NEK11: variants seen among roughly 807,000 people sequenced by gnomAD.
NEK11 encodes serine/threonine-protein kinase Nek11.
A neutral mutation model predicts 80.7 loss-of-function variants in NEK11; 72 were observed. That is an observed-to-expected ratio of 0.89 (90% confidence interval 0.74 to 1.08). NEK11 has a LOEUF of 1.08. Ranked by LOEUF, NEK11 falls within the 50% of genes least tolerant of loss-of-function variation. NEK11 has a pLI of 0.00. For missense variants in NEK11, 764 were observed against 763.6 expected, an observed-to-expected ratio of 1.00 and a Z score of -0.01; for synonymous variants, 251 against 260.7, an observed-to-expected ratio of 0.96 and a Z score of 0.36.
intron 7 of NEK11, among the ~76,000 whole-genome samples, chr3:131,136,817 G>A (rs1200672920): frequency 6.6e-6 from 1 of 152,130 alleles, no homozygotes; most frequent in Non-Finnish European, 1.5e-5. Context: ...ATACCCACAG[G>A]AGAAATACAA....
chr3:131,255,091 A>G (rs866499690), intron 16 of NEK11, among the ~76,000 whole-genome samples: 3,691 of 129,028 alleles, frequency 0.029, 72 homozygotes, highest in African/African-American at 0.051. Context: ...AAAGAAAGAA[A>G]GAAAGAAAGA....
intron 16 of NEK11, among the ~76,000 whole-genome samples, chr3:131,262,092 G>A (rs1380675686): frequency 6.6e-6 from 1 of 151,336 alleles, no homozygotes; most frequent in African/African-American, 2.4e-5. Flanking sequence ...AATGAAAGAG[G>A]GGACATTACT....
At chr3:131,119,445 C>T (rs896359132) in intron 5 of NEK11, among the ~76,000 whole-genome samples, 19 of 151,996 alleles carry the variant, frequency 1.3e-4, no homozygotes, top group African/African-American at 3.4e-4. Context: ...ATGTATATTC[C>T]GTTGATTTGG....
At chr3:131,349,451 A>T in intron 17 of NEK11, 106 bp from the exon 18 acceptor site, 2 of 958,062 alleles carry the variant, frequency 2.1e-6, no homozygotes, top group Admixed American at 5.3e-5. Context: ...TTTTTTTCTA[A>T]ATCCCAGAAT....
chr3:131,069,807 T>TCACA (rs1185778645), intron 3 of NEK11, among the ~76,000 whole-genome samples: 1 of 143,580 alleles, frequency 7.0e-6, no homozygotes, highest in Non-Finnish European at 1.5e-5. Flanking sequence ...AAGGGGAATA[T>TCACA]CACACTCTGG....
At chr3:131,260,162 C>A (rs956108745) in intron 16 of NEK11, among the ~76,000 whole-genome samples, 2 of 151,994 alleles carry the variant, frequency 1.3e-5, no homozygotes, top group Non-Finnish European at 2.9e-5. Context: ...AAATTTCAAC[C>A]TTTTAGAGGG....
At position 131,147,728 on chromosome 3, in the gene NEK11, C is replaced by T. The variant is rs116353538; in HGVS notation, c.648-4660C>T. ...ATTCAGCAGTCTTGCGTAATTCCCTCGTTAATTCTAACAGTTTGTCAGGTC... is the reference window on the plus strand; with the variant it reads ...ATTCAGCAGTCTTGCGTAATTCCCTTGTTAATTCTAACAGTTTGTCAGGTC... On this transcript the variant is annotated intron_variant, in intron 7 of 17. Coordinates refer to ENST00000383366, the MANE Select transcript of NEK11 (RefSeq NM_024800.5). Among the ~76,000 whole-genome samples the T allele has an allele frequency of 5.1e-3, 773 of 152,042 alleles. 6 individuals are homozygous for T. The highest frequency in any genetic ancestry group is 0.017 in the African/African-American group (705 of 41,518).
At chr3:131,191,800 C>G (rs1030617179) in intron 14 of NEK11, among the ~76,000 whole-genome samples, 2 of 152,060 alleles carry the variant, frequency 1.3e-5, no homozygotes, top group Non-Finnish European at 2.9e-5. Context: ...AGACCCTTAC[C>G]TCATACCAAA....
At chr3:131,191,980 C>T (rs1042936902) in intron 14 of NEK11, among the ~76,000 whole-genome samples, 13 of 152,038 alleles carry the variant, frequency 8.6e-5, no homozygotes, top group African/African-American at 2.9e-4. Context: ...TATCAAAGAA[C>T]AGTATCAACA....
intron 4 of NEK11, among the ~76,000 whole-genome samples, chr3:131,089,114 C>G (rs1248237774): frequency 6.6e-6 from 1 of 152,202 alleles, no homozygotes; most frequent in African/African-American, 2.4e-5. Flanking sequence ...TTTCCACTGA[C>G]AGGCTAAATA....
chr3:131,056,299 T>C (rs1336350584), intron 3 of NEK11, among the ~76,000 whole-genome samples: 4 of 152,316 alleles, frequency 2.6e-5, no homozygotes, highest in East Asian at 1.9e-4. Flanking sequence ...CTTGTAGACA[T>C]GGTCTCCTTG....
At chr3:131,258,762 A>G (rs550262835) in intron 16 of NEK11, among the ~76,000 whole-genome samples, 1 of 152,326 alleles carries the variant, frequency 6.6e-6, no homozygotes, top group Non-Finnish European at 1.5e-5. Context: ...TGAAATAACC[A>G]TAATAAAAAT....
chr3:131,328,429 G>T (rs1462055966), intron 17 of NEK11: 1 of 152,130 alleles, frequency 6.6e-6, no homozygotes, highest in Non-Finnish European at 1.5e-5. Flanking sequence ...ACTCAGAAAG[G>T]TCCTCTGCCT....
rs1281674994 is a variant in NEK11, at chr3:131,027,771, G to T, written c.-169-159G>T. The T allele has an allele frequency of 6.7e-5, 6 of 89,238 alleles. No individual in the cohort carries two copies. In the East Asian group the frequency reaches 1.9e-3, roughly 28 times the overall value. The allele number at this position is 89,238 out of a possible 1,614,324, so 5.5% of individuals were successfully genotyped here. The stretch of plus-strand genomic sequence containing the variant: ...ACTGGGATGGGGGTGGCAGGGCTGA[G>T]TCTGTGAGGGTGGGCGGGAGGGAAC... On this transcript the variant is annotated intron_variant, in intron 1 of 17. Coordinates refer to ENST00000383366, the MANE Select transcript of NEK11 (RefSeq NM_024800.5).
intron 7 of NEK11, among the ~76,000 whole-genome samples, chr3:131,141,566 A>G (rs1273218209): frequency 1.3e-5 from 2 of 152,328 alleles, no homozygotes; most frequent in East Asian, 1.9e-4. Flanking sequence ...ATGAGGTGGT[A>G]TATGTTAAAG....
chr3:131,134,146 C>A (rs1039533341), intron 7 of NEK11, 190 bp downstream of exon 7: 1 of 473,806 alleles, frequency 2.1e-6, no homozygotes, highest in Admixed American at 4.3e-5. Context: ...TTCAAAAATT[C>A]TTTTTATTCA....
At chr3:131,323,197 C>CTCTT (rs1212003724) in intron 17 of NEK11, among the ~76,000 whole-genome samples, 2 of 152,152 alleles carry the variant, frequency 1.3e-5, no homozygotes, top group African/African-American at 4.8e-5. Flanking sequence ...GAGGAATTTT[C>CTCTT]TCTTTTGGCT....
intron 17 of NEK11, among the ~76,000 whole-genome samples, chr3:131,339,311 C>T (rs1176529324): frequency 6.6e-6 from 1 of 152,132 alleles, no homozygotes; most frequent in Non-Finnish European, 1.5e-5. Context: ...TGAGCTCTCA[C>T]TTATAATTGA....
Position 131,146,921 on chromosome 3 carries a change from T to TTATC in NEK11, c.648-5466_648-5463dup, listed in dbSNP as rs1347865557. Among the ~76,000 whole-genome samples, 22 of 152,250 alleles carry TTATC rather than the reference T, an allele frequency of 1.4e-4. No individual in the cohort carries two copies. The East Asian group carries it at 2.1e-3, about 15-fold the overall frequency. The stretch of plus-strand genomic sequence containing the variant: ...TGCTTTATAGAAGTTTTAATTAATT[T>TTATC]TATCCATATTTTGGTAGTCTGATGA... On this transcript the variant is annotated intron_variant, in intron 7 of 17. Transcript: ENST00000383366.
Sources: allele counts gnomAD v4.1 joint callset (sites outside exome capture counted in the v4.1 genomes callset), GRCh38; gene constraint gnomAD v4.1.1; transcripts MANE v1.5; gene names NCBI Gene and HGNC (gene_info 2026-07-23, HGNC 2026-07-21).